Variants in FHAD1 observed in about 807,000 individuals in gnomAD.
The protein encoded by FHAD1 is forkhead associated phosphopeptide binding domain 1, also known as forkhead-associated domain-containing protein 1.
A neutral mutation model predicts 191.3 loss-of-function variants in FHAD1; 146 were observed. That is an observed-to-expected ratio of 0.76 (90% CI 0.67 to 0.88). FHAD1 has a LOEUF of 0.88. Ranked by LOEUF, FHAD1 falls within the 40% of genes least tolerant of loss-of-function variation. FHAD1 has a pLI of 0.00. For missense variants in FHAD1, 1,635 were observed against 1,785.8 expected (o/e 0.92, Z 1.52); for synonymous variants, 616 against 672.3 (o/e 0.92, Z 1.29).
chr1:15,383,217 T>C (rs1010394618), intron 31 of FHAD1: 13 of 471,074 alleles, frequency 2.8e-5, no homozygotes, highest in Middle Eastern at 3.4e-4. Context: ...AATGCAGGCA[T>C]CCCTCGCTAT....
chr1:15,397,453 A>G lies in FHAD1; in HGVS notation c.*40A>G. ...ACCAGGCCTCATGTGATCCTCTGTG[A>G]GTTCATGTGACTCTTCTGTGTCATC... is the stretch of plus-strand genomic sequence containing the variant. On this transcript the variant is annotated 3_prime_UTR_variant, in exon 34 of 34. Coordinates refer to ENST00000688493, the MANE Select transcript of FHAD1 (RefSeq NM_001391957.1). The G allele has an allele frequency of 9.9e-7, 1 of 1,008,294 alleles. No individual in the cohort carries two copies. The highest frequency in any genetic ancestry group is 1.5e-6 in the Non-Finnish European group (1 of 688,708). The allele number at this position is 1,008,294 out of a possible 1,614,324, so 62.5% of individuals were successfully genotyped here.
In FHAD1 at chr1:15,382,029, C is replaced by T. The variant is rs371335103; in HGVS notation, c.4024C>T (p.Arg1342Trp). The part of the protein sequence containing the change: ...GYEKDVEQLR[R>W]SKVSIEMYQS... Reference sequence around the variant, plus strand: ...ACGCCATCTCTCCTGTGCACCCAGGCGGAGCAAAGTGTCCATTGAGATGTA... The same window carrying T: ...ACGCCATCTCTCCTGTGCACCCAGGTGGAGCAAAGTGTCCATTGAGATGTA... The change falls in exon 31 of 34, where the codon CGG (arginine) becomes TGG (tryptophan). Residue 1342 changes from arginine (R) to tryptophan (W), a missense_variant and splice_region_variant. Coordinates refer to ENST00000688493, the MANE Select transcript of FHAD1 (RefSeq NM_001391957.1). 1.1e-4 allele frequency: 177 copies of T among 1,551,770 alleles called. No individual in the cohort carries two copies. The highest frequency in any genetic ancestry group is 3.3e-4 in the African/African-American group (24 of 72,938).
At chr1:15,369,316 A>G (rs993187795) in intron 25 of FHAD1, 54 bp from the exon 26 acceptor site, 1 of 1,544,674 alleles carries the variant, frequency 6.5e-7, no homozygotes, top group Non-Finnish European at 8.8e-7. Flanking sequence ...AATGAGTGTA[A>G]AAGTAATTTG....
At chr1:15,310,559 C>T (rs777959317) in intron 7 of FHAD1, among the ~76,000 whole-genome samples, 31 of 152,200 alleles carry the variant, frequency 2.0e-4, no homozygotes, top group Non-Finnish European at 3.7e-4. Context: ...ATGGGCTACA[C>T]TCTCACGGCC....
At chr1:15,264,552 G>A (rs895375723) in intron 2 of FHAD1, among the ~76,000 whole-genome samples, 2 of 144,148 alleles carry the variant, frequency 1.4e-5, no homozygotes, top group African/African-American at 2.6e-5. Flanking sequence ...GTATATATGT[G>A]TGTGTGTGTG....
intron 26 of FHAD1, among the ~76,000 whole-genome samples, chr1:15,370,535 G>A (rs940940386): frequency 6.6e-6 from 1 of 152,078 alleles, no homozygotes; most frequent in East Asian, 1.9e-4. Context: ...TTCCTGAATT[G>A]TGCTTGATGG....
At position 15,367,642 on chromosome 1, in the gene FHAD1, G is replaced by A. The variant is rs1490848372; in HGVS notation, c.3314+20G>A. ...ACTCAGGTTGGGTGGGCGGGGGCCG[G>A]GTTGGGGGGATGGTTTGCCTGCCGT... On this transcript the variant is annotated intron_variant, in intron 25 of 33. Transcript: ENST00000688493. The A allele has an allele frequency of 1.4e-6, 2 of 1,445,794 alleles. No individual in the cohort carries two copies. Among genetic ancestry groups the A allele is most frequent in the Non-Finnish European group, 1.9e-6 (2 of 1,067,408 alleles). The allele number at this position is 1,445,794 out of a possible 1,614,324, so 89.6% of individuals were successfully genotyped here. A position where few individuals can be genotyped will look rare whatever the true frequency, so the allele number is the denominator to read the frequency against.
intron 7 of FHAD1, among the ~76,000 whole-genome samples, chr1:15,309,592 C>A (rs1303994028): frequency 6.6e-6 from 1 of 151,946 alleles, no homozygotes; most frequent in Non-Finnish European, 1.5e-5. Context: ...CTGCGGGCCA[C>A]ATATGGCCCA....
At chr1:15,315,631 G>A (rs925712461) in intron 8 of FHAD1, among the ~76,000 whole-genome samples, 2 of 151,740 alleles carry the variant, frequency 1.3e-5, no homozygotes, top group African/African-American at 2.4e-5. Flanking sequence ...GACTACAGGC[G>A]CCCGCCACCA....
intron 19 of FHAD1, 133 bp downstream of exon 19, chr1:15,349,282 G>C (rs146441482): frequency 5.4e-4 from 366 of 679,396 alleles, no homozygotes; most frequent in Non-Finnish European, 8.9e-4. Context: ...CCGTTTACTG[G>C]CTGTGTGACC....
At chr1:15,384,814 C>G (rs1459316354) in intron 31 of FHAD1, among the ~76,000 whole-genome samples, 2 of 152,234 alleles carry the variant, frequency 1.3e-5, no homozygotes, top group Admixed American at 6.5e-5. Flanking sequence ...ATGCACCCCA[C>G]AGGGCACGGC....
At chr1:15,369,826 ACT>A (rs1465206981) in intron 26 of FHAD1, among the ~76,000 whole-genome samples, 3 of 151,620 alleles carry the variant, frequency 2.0e-5, no homozygotes, top group Middle Eastern at 3.2e-3. Flanking sequence ...CCACTTAGAA[ACT>A]CTGTGACCTT....
At chr1:15,376,053 A>T (rs1473777139) in intron 28 of FHAD1, among the ~76,000 whole-genome samples, 1 of 79,480 alleles carries the variant, frequency 1.3e-5, no homozygotes, top group Non-Finnish European at 2.6e-5. Context: ...TATTTTATTT[A>T]TTTATTTATT....
chr1:15,301,711 T>C (rs1668835415), intron 6 of FHAD1, among the ~76,000 whole-genome samples: 1 of 152,196 alleles, frequency 6.6e-6, no homozygotes, highest in Admixed American at 6.5e-5. Flanking sequence ...CTCTGACACA[T>C]CCATTCTACA....
chr1:15,259,812 C>A (rs1023943512), intron 2 of FHAD1, among the ~76,000 whole-genome samples: 1 of 152,128 alleles, frequency 6.6e-6, no homozygotes, highest in Non-Finnish European at 1.5e-5. Flanking sequence ...CAGAGCAGAC[C>A]AAGCTGGAGC....
At chr1:15,351,365 TAAA>T (rs1252055313) in intron 19 of FHAD1, among the ~76,000 whole-genome samples, 1 of 151,984 alleles carries the variant, frequency 6.6e-6, no homozygotes, top group Non-Finnish European at 1.5e-5. Context: ...AAAATTAAAA[TAAA>T]AAAATTTTTT....
chr1:15,371,884 C>A (rs569222110), intron 26 of FHAD1, among the ~76,000 whole-genome samples: 3 of 152,310 alleles, frequency 2.0e-5, no homozygotes, highest in Admixed American at 6.5e-5. Flanking sequence ...AGCTGGAAAG[C>A]CAGGGCAAGC....
chr1:15,357,921 G>C (rs1007692758), intron 20 of FHAD1, 189 bp from the exon 21 acceptor site: 1 of 515,476 alleles, frequency 1.9e-6, no homozygotes, highest in African/African-American at 2.0e-5. Flanking sequence ...ACAGATCTCC[G>C]CTGAATATAA....
chr1:15,358,668 G>T (rs1693640587), intron 21 of FHAD1, among the ~76,000 whole-genome samples: 1 of 152,214 alleles, frequency 6.6e-6, no homozygotes, highest in Non-Finnish European at 1.5e-5. Flanking sequence ...AACGCCTGGA[G>T]AGCCTCAGGA....
Sources: gnomAD v4.1 joint callset for allele counts (sites outside exome capture counted in the v4.1 genomes callset) on GRCh38, gnomAD v4.1.1 for gene constraint, MANE v1.5 for transcripts, NCBI Gene and HGNC (gene_info 2026-07-23, HGNC 2026-07-21) for gene names.